Variants in FAM107B observed in about 807,000 individuals in gnomAD.
The protein encoded by FAM107B is family with sequence similarity 107 member B.
Under a neutral mutation model 31.5 loss-of-function variants are expected in FAM107B, and 21 were observed. That is an observed-to-expected ratio of 0.67 (90% CI 0.47 to 0.96). FAM107B has a LOEUF of 0.96. FAM107B is among the 40% of genes least tolerant of loss of function. The pLI, the probability that FAM107B is intolerant of heterozygous loss-of-function variation, is 0.00. For missense variants in FAM107B, 452 were observed against 377.1 expected, an observed-to-expected ratio of 1.20 and a Z score of -1.64; for synonymous variants, 157 against 141.5, an observed-to-expected ratio of 1.11 and a Z score of -0.78.
intron 1 of FAM107B, among the ~76,000 whole-genome samples, chr10:14,701,768 A>G (rs549974454): frequency 2.6e-4 from 39 of 152,304 alleles, no homozygotes; most frequent in African/African-American, 7.9e-4. Flanking sequence ...TATGATATCA[A>G]ACCTGTAACC....
intron 1 of FAM107B, among the ~76,000 whole-genome samples, chr10:14,701,711 G>GT (rs1490712396): frequency 6.7e-6 from 1 of 149,358 alleles, no homozygotes; most frequent in African/African-American, 2.4e-5. Context: ...TAGGCAAAGA[G>GT]TTGTTTTTTT....
At chr10:14,562,125 T>G (rs1850298256) in intron 2 of FAM107B, among the ~76,000 whole-genome samples, 1 of 152,230 alleles carries the variant, frequency 6.6e-6, no homozygotes, top group African/African-American at 2.4e-5. Context: ...CAACTCATAC[T>G]TAGTGATGGA....
intron 1 of FAM107B, among the ~76,000 whole-genome samples, chr10:14,669,086 G>A (rs375550332): frequency 2.0e-5 from 3 of 152,160 alleles, no homozygotes; most frequent in Admixed American, 6.5e-5. Context: ...GAAAGGTCCA[G>A]GCCAGTTGTG....
chr10:14,611,276 A>C (rs1852716916), intron 2 of FAM107B, among the ~76,000 whole-genome samples: 2 of 152,162 alleles, frequency 1.3e-5, no homozygotes, highest in Non-Finnish European at 2.9e-5. Flanking sequence ...CCATCTCTGC[A>C]ATTAAGCAAT....
At chr10:14,765,273 T>C (rs1833140511) in intron 1 of FAM107B, among the ~76,000 whole-genome samples, 1 of 152,258 alleles carries the variant, frequency 6.6e-6, no homozygotes, top group Non-Finnish European at 1.5e-5. Flanking sequence ...TCGATGCCTT[T>C]CATCTCTGAA....
At chr10:14,536,866 ATGT>A (rs892942939) in intron 2 of FAM107B, among the ~76,000 whole-genome samples, 1 of 152,188 alleles carries the variant, frequency 6.6e-6, no homozygotes, top group Non-Finnish European at 1.5e-5. Flanking sequence ...TGCTGCCAAT[ATGT>A]TGTTGTACAA....
At position 14,724,300 on chromosome 10, in the gene FAM107B, C is replaced by T. The variant is rs994679406; in HGVS notation, c.411+49953G>A. 3.3e-5 allele frequency among the ~76,000 whole-genome samples: 5 copies of T among 152,122 alleles called. No individual in the cohort carries two copies. The South Asian group carries it at 1.0e-3, about 32-fold the overall frequency. On this transcript the variant is annotated intron_variant, in intron 1 of 4. Coordinates refer to ENST00000181796, the MANE Select transcript of FAM107B (RefSeq NM_031453.4). ...TTGTATATAATGTGAGGTAGGGGTC[C>T]AACAGTCTTCTTTTGCTTATGTCTA...
At chr10:14,710,361 C>T (rs937950429) in intron 1 of FAM107B, among the ~76,000 whole-genome samples, 3 of 151,430 alleles carry the variant, frequency 2.0e-5, no homozygotes, top group Admixed American at 6.6e-5. Flanking sequence ...CTGTGAGCTA[C>T]GATTGCACCA....
chr10:14,708,298 C>T (rs1379939975), intron 1 of FAM107B, among the ~76,000 whole-genome samples: 1 of 152,070 alleles, frequency 6.6e-6, no homozygotes, highest in Non-Finnish European at 1.5e-5. Flanking sequence ...CCAGGCTGGT[C>T]TCAAACTCCT....
chr10:14,672,056 C>T (rs1854569991), intron 1 of FAM107B, among the ~76,000 whole-genome samples: 1 of 151,360 alleles, frequency 6.6e-6, no homozygotes, highest in African/African-American at 2.4e-5. Flanking sequence ...TTCTGTACCT[C>T]CCCTGCCATC....
intron 2 of FAM107B, among the ~76,000 whole-genome samples, chr10:14,651,585 A>C (rs1853901364): frequency 6.6e-6 from 1 of 152,184 alleles, no homozygotes; most frequent in African/African-American, 2.4e-5. Flanking sequence ...CTGTGCAACA[A>C]GAGTGAAACC....
At chr10:14,740,982 G>C (rs559775660) in intron 1 of FAM107B, among the ~76,000 whole-genome samples, 1 of 152,222 alleles carries the variant, frequency 6.6e-6, no homozygotes, top group East Asian at 1.9e-4. Context: ...CCAGTTTGGC[G>C]GCCAGGAAAC....
At chr10:14,704,949 G>A (rs968965937) in intron 1 of FAM107B, among the ~76,000 whole-genome samples, 9 of 149,280 alleles carry the variant, frequency 6.0e-5, no homozygotes, top group East Asian at 3.9e-4. Context: ...ACTTGAACCC[G>A]GGAGGCAGAG....
chr10:14,672,105 T>TC, intron 1 of FAM107B, among the ~76,000 whole-genome samples: 1 of 196 alleles, frequency 5.1e-3, no homozygotes, highest in East Asian at 0.083. Context: ...TATTTATTTA[T>TC]TTTTTTTTTT....
At chr10:14,749,945 G>A (rs1285458773) in intron 1 of FAM107B, among the ~76,000 whole-genome samples, 4 of 152,206 alleles carry the variant, frequency 2.6e-5, no homozygotes, top group African/African-American at 4.8e-5. Flanking sequence ...ACCTGGGAAC[G>A]CCAGGAAGGC....
intron 2 of FAM107B, among the ~76,000 whole-genome samples, chr10:14,629,266 A>T (rs1462481931): frequency 1.5e-5 from 2 of 131,158 alleles, no homozygotes; most frequent in Admixed American, 9.4e-5. Context: ...TAAATTATAT[A>T]TAATTTATAT....
rs533825292 is a variant in FAM107B at position 14,733,837 on chromosome 10, T to C, written c.411+40416A>G. On this transcript the variant is annotated intron_variant, in intron 1 of 4. Coordinates refer to ENST00000181796, the MANE Select transcript of FAM107B (RefSeq NM_031453.4). ...TCTTCTTCTCAGCAAACCACACTGC[T>C]TCTCCACATTTTCTCCCTGAACAGG... 2.0e-5 allele frequency among the ~76,000 whole-genome samples: 3 copies of C among 152,340 alleles called. No individual in the cohort carries two copies. In the South Asian group the frequency reaches 6.2e-4, roughly 32 times the overall value.
At chr10:14,546,035 G>A (rs942022261) in intron 2 of FAM107B, among the ~76,000 whole-genome samples, 21 of 152,188 alleles carry the variant, frequency 1.4e-4, no homozygotes, top group African/African-American at 4.1e-4. Flanking sequence ...TAATAATTCC[G>A]TAATATTTAT....
chr10:14,604,998 C>A (rs1852552676), intron 2 of FAM107B, among the ~76,000 whole-genome samples: 1 of 152,142 alleles, frequency 6.6e-6, no homozygotes, highest in African/African-American at 2.4e-5. Context: ...CCTGGGTGTC[C>A]GGGCTCCGTC....
Sources: allele counts gnomAD v4.1 joint callset (sites outside exome capture counted in the v4.1 genomes callset), GRCh38; gene constraint gnomAD v4.1.1; transcripts MANE v1.5; gene names NCBI Gene and HGNC (gene_info 2026-07-23, HGNC 2026-07-21).